PPP1R9A: variants seen among roughly 807,000 people sequenced by gnomAD.
PPP1R9A encodes neurabin-1.
In PPP1R9A, 59 loss-of-function variants were observed where a neutral mutation model predicts 141.9. That is an observed-to-expected ratio of 0.42 (90% CI 0.34 to 0.52). The LOEUF is 0.52. Ranked by LOEUF, PPP1R9A falls within the 20% of genes least tolerant of loss-of-function variation. The pLI is 0.10. For missense variants in PPP1R9A, 1,444 were observed against 1,611.9 expected (o/e 0.90, Z 1.78); for synonymous variants, 500 against 569.7 (o/e 0.88, Z 1.74).
At chr7:95,195,591 CAA>C (rs917124049) in intron 5 of PPP1R9A, among the ~76,000 whole-genome samples, 1 of 150,968 alleles carries the variant, frequency 6.6e-6, no homozygotes, top group African/African-American at 2.4e-5. Flanking sequence ...ATATTTATAA[CAA>C]AGTGATAAAT....
chr7:95,229,480 G>A (rs1385027512), intron 8 of PPP1R9A, among the ~76,000 whole-genome samples: 2 of 151,944 alleles, frequency 1.3e-5, no homozygotes, highest in Non-Finnish European at 2.9e-5. Context: ...AGCAGAGTGA[G>A]GCCTATGACT....
At chr7:94,951,677 T>G (rs1412707305) in intron 2 of PPP1R9A, among the ~76,000 whole-genome samples, 2 of 152,082 alleles carry the variant, frequency 1.3e-5, no homozygotes, top group East Asian at 1.9e-4. Context: ...ATAATTTTCC[T>G]TCCTCCTACT....
chr7:94,947,224 G>A (rs1408826882), intron 2 of PPP1R9A, among the ~76,000 whole-genome samples: 1 of 152,150 alleles, frequency 6.6e-6, no homozygotes, highest in Non-Finnish European at 1.5e-5. Context: ...TCCAGGGACA[G>A]ACATTGGCTT....
chr7:95,123,555 G>A (rs919551496), intron 4 of PPP1R9A, among the ~76,000 whole-genome samples: 4 of 152,080 alleles, frequency 2.6e-5, no homozygotes, highest in Non-Finnish European at 5.9e-5. Flanking sequence ...AGACTGAGGC[G>A]GGAGAATCGC....
intron 4 of PPP1R9A, among the ~76,000 whole-genome samples, chr7:95,150,787 G>T (rs749116423): frequency 0.014 from 2,175 of 152,238 alleles, 23 homozygotes; most frequent in Non-Finnish European, 0.022. Flanking sequence ...GTTATTTAAA[G>T]TATACGAAAA....
At chr7:95,244,872 A>T (rs1476118946) in intron 8 of PPP1R9A, among the ~76,000 whole-genome samples, 1 of 152,186 alleles carries the variant, frequency 6.6e-6, no homozygotes, top group Non-Finnish European at 1.5e-5. Context: ...TTATCACTTA[A>T]TCATCCAATA....
intron 2 of PPP1R9A, among the ~76,000 whole-genome samples, chr7:95,042,316 CACA>C (rs1264209709): frequency 1.3e-5 from 2 of 152,172 alleles, no homozygotes; most frequent in East Asian, 3.8e-4. Context: ...ATTTTGTCTA[CACA>C]ACCTAAAATT....
At chr7:95,279,805 A>G (rs1051912970) in intron 16 of PPP1R9A, among the ~76,000 whole-genome samples, 4 of 152,220 alleles carry the variant, frequency 2.6e-5, no homozygotes, top group African/African-American at 7.2e-5. Flanking sequence ...TCAGATTTCT[A>G]TTCATACAAA....
chr7:95,276,267 G>A (rs1803169402), intron 16 of PPP1R9A, among the ~76,000 whole-genome samples: 1 of 152,098 alleles, frequency 6.6e-6, no homozygotes, highest in Non-Finnish European at 1.5e-5. Flanking sequence ...GGTGTTTGAT[G>A]GAATTTTGCC....
chr7:95,117,161 C>T (rs919758724), intron 3 of PPP1R9A, among the ~76,000 whole-genome samples: 7 of 152,048 alleles, frequency 4.6e-5, no homozygotes, highest in Non-Finnish European at 1.0e-4. Context: ...ACAATAGTGT[C>T]TTCCATAATA....
At chr7:95,160,180 A>G (rs1467868879) in intron 4 of PPP1R9A, among the ~76,000 whole-genome samples, 2 of 152,080 alleles carry the variant, frequency 1.3e-5, no homozygotes, top group Admixed American at 1.3e-4. Flanking sequence ...ACACACACAA[A>G]AACACTTGTA....
chr7:95,044,902 C>T (rs1043246546), intron 2 of PPP1R9A, among the ~76,000 whole-genome samples: 1 of 151,464 alleles, frequency 6.6e-6, no homozygotes, highest in African/African-American at 2.4e-5. Flanking sequence ...TAGTTTGACC[C>T]AGTTTTTGTT....
intron 4 of PPP1R9A, among the ~76,000 whole-genome samples, chr7:95,139,965 A>G (rs1445136862): frequency 6.6e-6 from 1 of 152,142 alleles, no homozygotes; most frequent in East Asian, 1.9e-4. Context: ...AATCTCTAAT[A>G]CTACTACCAC....
chr7:95,077,626 A>C (rs1815061055), intron 2 of PPP1R9A, among the ~76,000 whole-genome samples: 1 of 152,216 alleles, frequency 6.6e-6, no homozygotes, highest in Admixed American at 6.5e-5. Context: ...ATTAACAAGA[A>C]AAAACAAACA....
chr7:95,141,339 C>T (rs1205970387), intron 4 of PPP1R9A, among the ~76,000 whole-genome samples: 5 of 151,992 alleles, frequency 3.3e-5, no homozygotes, highest in Non-Finnish European at 5.9e-5. Context: ...TTTTTTTACA[C>T]CTTTATTGAT....
intron 2 of PPP1R9A, among the ~76,000 whole-genome samples, chr7:95,093,092 C>T (rs1405123137): frequency 1.3e-5 from 2 of 152,118 alleles, no homozygotes; most frequent in African/African-American, 2.4e-5. Context: ...GACTTGAGTT[C>T]TTATACATGG....
intron 5 of PPP1R9A, among the ~76,000 whole-genome samples, chr7:95,182,528 A>G (rs1246206550): frequency 6.6e-6 from 1 of 152,102 alleles, no homozygotes; most frequent in East Asian, 1.9e-4. Context: ...ATATCATTTC[A>G]TTGTTTTTGT....
chr7:94,978,119 G>A (rs766332947), intron 2 of PPP1R9A, among the ~76,000 whole-genome samples: 1 of 152,196 alleles, frequency 6.6e-6, no homozygotes, highest in Non-Finnish European at 1.5e-5. Flanking sequence ...TTTAGCTCCA[G>A]TGTCTTCAAA....
At chr7:95,096,834 C>T (rs1056008113) in intron 2 of PPP1R9A, among the ~76,000 whole-genome samples, 1 of 152,118 alleles carries the variant, frequency 6.6e-6, no homozygotes, top group Admixed American at 6.6e-5. Context: ...ACACATACTA[C>T]CCCCAACCCG....
Sources: allele counts gnomAD v4.1 joint callset (sites outside exome capture counted in the v4.1 genomes callset), GRCh38; gene constraint gnomAD v4.1.1; transcripts MANE v1.5; gene names NCBI Gene and HGNC (gene_info 2026-07-23, HGNC 2026-07-21).